Variants in SORCS2 observed in about 807,000 individuals in gnomAD.
SORCS2 encodes the protein VPS10 domain-containing receptor SorCS2.
In SORCS2, 100 loss-of-function variants were observed where a neutral mutation model predicts 141.6. That is an observed-to-expected ratio of 0.71 (90% CI 0.60 to 0.83). SORCS2 has a LOEUF of 0.83. Among genes scored for constraint, SORCS2 ranks in the 40% least tolerant of loss-of-function variants. The probability of loss-of-function intolerance (pLI) is 0.00; values close to 1 mark genes in which losing one functional copy is unlikely to be tolerated. For missense variants in SORCS2, 1,646 were observed against 1,560.2 expected (o/e 1.05, Z -0.93); for synonymous variants, 789 against 676.9 (o/e 1.17, Z -2.57).
rs55780612 is a variant in SORCS2, at chr4:7,510,717, G to A, written c.549-20813G>A. 6.9e-3 allele frequency among the ~76,000 whole-genome samples: 1,004 copies of A among 146,278 alleles called. 1 individual carries two copies. Among genetic ancestry groups the A allele is most frequent in the East Asian group, 0.012 (58 of 4,744 alleles). On this transcript the variant is annotated intron_variant, in intron 2 of 26. Transcript: ENST00000507866. The stretch of plus-strand genomic sequence containing the variant: ...TCTGGGCGCGGCATGTCCAGGAAAT[G>A]CGACCCCGGGGCCTGGGCACGTGCT...
chr4:7,468,786 G>A (rs1408010085), intron 2 of SORCS2, among the ~76,000 whole-genome samples: 4 of 152,152 alleles, frequency 2.6e-5, no homozygotes, highest in Admixed American at 6.5e-5. Context: ...TTTGAAAGGT[G>A]AGGATGCTCT....
At chr4:7,448,099 G>A (rs552417798) in intron 2 of SORCS2, among the ~76,000 whole-genome samples, 1 of 152,312 alleles carries the variant, frequency 6.6e-6, no homozygotes, top group South Asian at 2.1e-4. Flanking sequence ...GTACGTAGGC[G>A]AGAGTCCACT....
intron 1 of SORCS2, among the ~76,000 whole-genome samples, chr4:7,213,595 A>T (rs4689642): frequency 1.3e-5 from 2 of 151,896 alleles, no homozygotes; most frequent in East Asian, 3.9e-4. Context: ...GTCAAGAACC[A>T]CTGTGTTAAC....
At chr4:7,230,592 A>G (rs1473021133) in intron 1 of SORCS2, among the ~76,000 whole-genome samples, 7 of 143,864 alleles carry the variant, frequency 4.9e-5, no homozygotes, top group Non-Finnish European at 9.1e-5. Context: ...AAGATGGTCA[A>G]GTCTTTGAGT....
intron 1 of SORCS2, among the ~76,000 whole-genome samples, chr4:7,279,311 C>G (rs1577349913): frequency 6.6e-6 from 1 of 152,182 alleles, no homozygotes; most frequent in African/African-American, 2.4e-5. Context: ...AAAATACTTG[C>G]AGCGTTGCTA....
intron 23 of SORCS2, among the ~76,000 whole-genome samples, chr4:7,732,514 C>G (rs955496823): frequency 6.6e-6 from 1 of 152,206 alleles, no homozygotes; most frequent in Non-Finnish European, 1.5e-5. Flanking sequence ...CCCCTGCCCT[C>G]TCCAGCTATA....
chr4:7,215,914 G>C (rs1728318327), intron 1 of SORCS2, among the ~76,000 whole-genome samples: 1 of 150,508 alleles, frequency 6.6e-6, no homozygotes, highest in South Asian at 2.1e-4. Context: ...GCAGGATGTG[G>C]GTGGGGCCAG....
chr4:7,316,579 C>T (rs1014108602), intron 1 of SORCS2, among the ~76,000 whole-genome samples: 12 of 152,184 alleles, frequency 7.9e-5, no homozygotes, highest in African/African-American at 2.7e-4. Flanking sequence ...CTGACCTTCC[C>T]GTGCCTTTAC....
intron 3 of SORCS2, among the ~76,000 whole-genome samples, chr4:7,608,846 G>A (rs1463114696): frequency 3.9e-5 from 6 of 152,120 alleles, no homozygotes; most frequent in Non-Finnish European, 8.8e-5. Context: ...TTGGGGCCGG[G>A]CAGGATTTGT....
chr4:7,326,501 C>T (rs138672810), intron 1 of SORCS2, among the ~76,000 whole-genome samples: 92 of 152,316 alleles, frequency 6.0e-4, no homozygotes, highest in African/African-American at 1.9e-3. Flanking sequence ...ATGGGGCTGC[C>T]GGCATGGGAA....
intron 1 of SORCS2, among the ~76,000 whole-genome samples, chr4:7,234,519 G>A (rs1014725028): frequency 8.5e-5 from 13 of 152,242 alleles, no homozygotes; most frequent in African/African-American, 2.9e-4. Flanking sequence ...ATCACTGGGC[G>A]GCCGACGTGG....
chr4:7,408,685 A>T (rs963207433), intron 2 of SORCS2, among the ~76,000 whole-genome samples: 2 of 152,202 alleles, frequency 1.3e-5, no homozygotes, highest in Non-Finnish European at 2.9e-5. Flanking sequence ...TTCTTTGAAT[A>T]AGATTCCTAA....
intron 1 of SORCS2, among the ~76,000 whole-genome samples, chr4:7,236,847 C>T (rs373442693): frequency 1.4e-4 from 22 of 152,202 alleles, no homozygotes; most frequent in African/African-American, 5.1e-4. Context: ...TCCCAAAGTG[C>T]TGGGATTGCA....
chr4:7,543,759 C>T (rs62644744), intron 3 of SORCS2, among the ~76,000 whole-genome samples: 28,474 of 36,206 alleles, frequency 0.79, 10,825 homozygotes, highest in East Asian at 0.94. Context: ...CACCCATCCA[C>T]CCACCCATCC....
chr4:7,212,655 A>G (rs1292277647), intron 1 of SORCS2, among the ~76,000 whole-genome samples: 1 of 152,246 alleles, frequency 6.6e-6, no homozygotes, highest in Non-Finnish European at 1.5e-5. Context: ...TCCTGAGGGA[A>G]GCCAGAGCTG....
chr4:7,568,709 C>T (rs1466271167), intron 3 of SORCS2, among the ~76,000 whole-genome samples: 2 of 152,166 alleles, frequency 1.3e-5, no homozygotes, highest in Non-Finnish European at 2.9e-5. Context: ...TAAAATATCC[C>T]ACCAGGTTCC....
chr4:7,283,746 CAGGAGTTGGG>C (rs1262497768), intron 1 of SORCS2, among the ~76,000 whole-genome samples: 1 of 151,922 alleles, frequency 6.6e-6, no homozygotes, highest in Non-Finnish European at 1.5e-5. Flanking sequence ...GGGGCCCAAG[CAGGAGTTGGG>C]AGGAGTTGGG....
chr4:7,287,465 C>T (rs1336898596), intron 1 of SORCS2, among the ~76,000 whole-genome samples: 1 of 152,230 alleles, frequency 6.6e-6, no homozygotes, highest in East Asian at 1.9e-4. Flanking sequence ...CTTGCCACGG[C>T]CCCCAGGCTG....
intron 3 of SORCS2, among the ~76,000 whole-genome samples, chr4:7,539,603 C>T (rs1465583516): frequency 6.6e-6 from 1 of 152,180 alleles, no homozygotes; most frequent in African/African-American, 2.4e-5. Flanking sequence ...CTCTCACTCT[C>T]TCTGTCTCAC....
Sources: gnomAD v4.1 joint callset for allele counts (sites outside exome capture counted in the v4.1 genomes callset) on GRCh38, gnomAD v4.1.1 for gene constraint, MANE v1.5 for transcripts, NCBI Gene and HGNC (gene_info 2026-07-23, HGNC 2026-07-21) for gene names.